EPB41L2: variants seen among roughly 807,000 people sequenced by gnomAD.
EPB41L2 encodes the protein band 4.1-like protein 2.
A neutral mutation model predicts 113.0 loss-of-function variants in EPB41L2; 43 were observed. That is an observed-to-expected ratio of 0.38 (90% CI 0.30 to 0.49). The LOEUF is 0.49. Ranked by LOEUF, EPB41L2 falls within the 20% of genes least tolerant of loss-of-function variation. EPB41L2 has a pLI of 0.95. For synonymous variants in EPB41L2, 442 were observed against 436.7 expected (o/e 1.01, Z -0.15); for missense variants, 1,147 against 1,223.4 (o/e 0.94, Z 0.93).
At chr6:130,952,322 C>T (rs943408504) in intron 3 of EPB41L2, among the ~76,000 whole-genome samples, 3 of 112,322 alleles carry the variant, frequency 2.7e-5, no homozygotes, top group African/African-American at 8.1e-5. Flanking sequence ...TGAAGAAACT[C>T]TTACACAAGG....
rs565845232 is a variant in EPB41L2 at position 130,920,815 on chromosome 6, A to T, written c.810+5790T>A. 3.3e-5 allele frequency among the ~76,000 whole-genome samples: 5 copies of T among 151,980 alleles called. No individual in the cohort carries two copies. In the South Asian group the frequency reaches 1.0e-3, roughly 32 times the overall value. On this transcript the variant is annotated intron_variant, in intron 4 of 19. Coordinates refer to ENST00000337057, the MANE Select transcript of EPB41L2 (RefSeq NM_001431.4). ...ATGAGCCACCATACCTGGCCTCTCAAATTCTTTACTTTTAAATTTCTTCAT... is the reference window on the plus strand; with the variant it reads ...ATGAGCCACCATACCTGGCCTCTCATATTCTTTACTTTTAAATTTCTTCAT...
chr6:131,062,818 G>A (rs974660267), intron 1 of EPB41L2, among the ~76,000 whole-genome samples: 1 of 151,892 alleles, frequency 6.6e-6, no homozygotes. Flanking sequence ...TGGCTCCGCC[G>A]GGACGCGGCC....
intron 4 of EPB41L2, among the ~76,000 whole-genome samples, chr6:130,912,375 T>C (rs1048643912): frequency 3.3e-5 from 5 of 152,188 alleles, no homozygotes; most frequent in Non-Finnish European, 7.4e-5. Flanking sequence ...TAACTGACAC[T>C]ATTAAAAAGT....
At chr6:130,922,406 G>C (rs1278925298) in intron 4 of EPB41L2, among the ~76,000 whole-genome samples, 1 of 152,180 alleles carries the variant, frequency 6.6e-6, no homozygotes, top group Non-Finnish European at 1.5e-5. Context: ...TCTACTTCCA[G>C]TTGTGATAGC....
chr6:130,974,808 C>A (rs528739295), intron 1 of EPB41L2, among the ~76,000 whole-genome samples: 1 of 137,590 alleles, frequency 7.3e-6, no homozygotes, highest in East Asian at 2.3e-4. Context: ...TCACTACAAC[C>A]TCTGCCTCCC....
At chr6:131,050,572 G>C (rs1223537536) in intron 1 of EPB41L2, among the ~76,000 whole-genome samples, 1 of 152,084 alleles carries the variant, frequency 6.6e-6, no homozygotes, top group Non-Finnish European at 1.5e-5. Flanking sequence ...ACAATATTCA[G>C]AACCTTCCTT....
At chr6:130,966,439 A>T (rs1775205893) in intron 1 of EPB41L2, among the ~76,000 whole-genome samples, 1 of 152,250 alleles carries the variant, frequency 6.6e-6, no homozygotes, top group South Asian at 2.1e-4. Flanking sequence ...CCTTATACAG[A>T]CATCACATCT....
At chr6:131,029,877 T>A (rs1456594323) in intron 1 of EPB41L2, among the ~76,000 whole-genome samples, 2 of 146,948 alleles carry the variant, frequency 1.4e-5, no homozygotes, top group South Asian at 4.4e-4. Context: ...AATGGAATCC[T>A]CAAGGGAGGA....
chr6:131,059,405 C>T (rs1215294471), intron 1 of EPB41L2, among the ~76,000 whole-genome samples: 1 of 152,216 alleles, frequency 6.6e-6, no homozygotes, highest in African/African-American at 2.4e-5. Flanking sequence ...TGAGCCATCG[C>T]GCCCAGCTAT....
At chr6:130,976,318 A>T (rs1279361426) in intron 1 of EPB41L2, among the ~76,000 whole-genome samples, 1 of 152,172 alleles carries the variant, frequency 6.6e-6, no homozygotes, top group Non-Finnish European at 1.5e-5. Flanking sequence ...TTCTTCTTTG[A>T]CCACATACCA....
chr6:130,892,422 T>TTTTTTTTTTTTTTTTTTTTTTTTTTG, intron 10 of EPB41L2, among the ~76,000 whole-genome samples: 1 of 136,144 alleles, frequency 7.3e-6, no homozygotes, highest in East Asian at 2.3e-4. Context: ...TTTTTTTTTT[T>TTTTTTTTTTTTTTTTTTTTTTTTTTG]ATCATTATGT....
chr6:130,900,973 G>C lies in EPB41L2; in HGVS notation c.1137C>G (p.His379Gln). ...GCAAGGCAACAGACCTGTGGGTTTT[G>C]TGCAGCTCTGCCACCTTCTCTTCCA... is the stretch of plus-strand genomic sequence containing the variant. The part of the protein sequence containing the change: ...KELEEKVAEL[H>Q]KTHRGLSPAQ... Residue 379 changes from histidine (H) to glutamine (Q), a missense_variant, in exon 7 of 20, where the codon CAC becomes CAG. His to Gln is a conservative substitution (Grantham distance 24). Coordinates refer to ENST00000337057, the MANE Select transcript of EPB41L2 (RefSeq NM_001431.4). The C allele has an allele frequency of 1.9e-6, 3 of 1,614,082 alleles. No homozygotes were observed. Among genetic ancestry groups the C allele is most frequent in the Non-Finnish European group, 2.5e-6 (3 of 1,179,976 alleles).
intron 17 of EPB41L2, 40 bp downstream of exon 17, chr6:130,865,496 A>G: frequency 6.3e-7 from 1 of 1,576,620 alleles, no homozygotes; most frequent in Non-Finnish European, 8.7e-7. Flanking sequence ...TCTGTCTGTA[A>G]TGTACCATCC....
chr6:131,008,354 G>T (rs1394964519), intron 1 of EPB41L2, among the ~76,000 whole-genome samples: 4 of 152,262 alleles, frequency 2.6e-5, no homozygotes, highest in Non-Finnish European at 5.9e-5. Context: ...AAAAATTGAG[G>T]TTTGGGAACT....
intron 4 of EPB41L2, among the ~76,000 whole-genome samples, chr6:130,912,172 C>T (rs1286549256): frequency 6.6e-6 from 1 of 152,162 alleles, no homozygotes; most frequent in African/African-American, 2.4e-5. Context: ...TCACCCCCAC[C>T]CCGGTATGTG....
intron 16 of EPB41L2, among the ~76,000 whole-genome samples, chr6:130,866,512 C>T (rs1394187294): frequency 6.6e-6 from 1 of 152,228 alleles, no homozygotes; most frequent in Non-Finnish European, 1.5e-5. Flanking sequence ...AGACACATCA[C>T]TAATGCTCCC....
Position 130,840,380 on chromosome 6 carries a change from T to C in EPB41L2, c.*224A>G, listed in dbSNP as rs944767467. Reference sequence around the variant, plus strand: ...AGAAAGAACTGAGAATATTTAGAAGTGGTTATAAAACAAAATAATATATTA... The same window carrying C: ...AGAAAGAACTGAGAATATTTAGAAGCGGTTATAAAACAAAATAATATATTA... On this transcript the variant is annotated 3_prime_UTR_variant, in exon 20 of 20. Coordinates refer to ENST00000337057, the MANE Select transcript of EPB41L2 (RefSeq NM_001431.4). 1 of 152,212 alleles carries C rather than the reference T, an allele frequency of 6.6e-6. No individual in the cohort carries two copies. The highest frequency in any genetic ancestry group is 2.4e-5 in the African/African-American group (1 of 41,440). The allele number at this position is 152,212 out of a possible 1,614,324, so 9.4% of individuals were successfully genotyped here. A position where few individuals can be genotyped will look rare whatever the true frequency, so the allele number is the denominator to read the frequency against.
chr6:130,899,682 T>C (rs757798932), intron 7 of EPB41L2, 104 bp from the exon 8 acceptor site: 23 of 1,046,512 alleles, frequency 2.2e-5, no homozygotes, highest in Non-Finnish European at 2.6e-5. Context: ...GAGAGAAAGT[T>C]ACCCAGCCAA....
intron 15 of EPB41L2, 142 bp downstream of exon 15, chr6:130,869,421 T>TC: frequency 1.3e-6 from 1 of 794,710 alleles, no homozygotes; most frequent in Non-Finnish European, 2.0e-6. Context: ...AAGCAGTGCT[T>TC]CCCCCTTCCT....
Sources: allele counts gnomAD v4.1 joint callset (sites outside exome capture counted in the v4.1 genomes callset), GRCh38; gene constraint gnomAD v4.1.1; transcripts MANE v1.5; gene names NCBI Gene and HGNC (gene_info 2026-07-23, HGNC 2026-07-21).